The following TBX15 variants were observed in gnomAD, a reference collection of about 807,000 sequenced individuals.
TBX15 encodes the protein T-box transcription factor 15.
In TBX15, 18 loss-of-function variants were observed where a neutral mutation model predicts 53.9. That is an observed-to-expected ratio of 0.33 (90% confidence interval 0.23 to 0.49). TBX15 has a LOEUF of 0.49. Among genes scored for constraint, TBX15 ranks in the 20% least tolerant of loss-of-function variants. TBX15 has a pLI of 0.98. For synonymous variants in TBX15, 295 were observed against 278.0 expected (o/e 1.06, Z -0.61); for missense variants, 692 against 749.5 (o/e 0.92, Z 0.90).
At chr1:118,957,666 C>G (rs796787821) in intron 1 of TBX15, among the ~76,000 whole-genome samples, 1 of 152,206 alleles carries the variant, frequency 6.6e-6, no homozygotes, top group Non-Finnish European at 1.5e-5. Context: ...GTTCCCCTTC[C>G]TGTGTCTATG....
chr1:118,969,233 A>G (rs1160883984), intron 1 of TBX15, among the ~76,000 whole-genome samples: 1 of 152,112 alleles, frequency 6.6e-6, no homozygotes, highest in African/African-American at 2.4e-5. Flanking sequence ...ACTGAATAGG[A>G]CCCATTTCAC....
intron 2 of TBX15, among the ~76,000 whole-genome samples, chr1:118,928,805 C>T (rs923593012): frequency 2.0e-5 from 3 of 152,174 alleles, no homozygotes; most frequent in Non-Finnish European, 2.9e-5. Flanking sequence ...GCTACCCATC[C>T]CTTTCCAGTA....
intron 1 of TBX15, among the ~76,000 whole-genome samples, chr1:118,974,277 G>A (rs1405900397): frequency 6.6e-6 from 1 of 152,182 alleles, no homozygotes; most frequent in Non-Finnish European, 1.5e-5. Context: ...CCTGCATAGA[G>A]TGGTGCTGGC....
chr1:118,985,472 C>G (rs1193535256), intron 1 of TBX15, among the ~76,000 whole-genome samples: 4 of 152,332 alleles, frequency 2.6e-5, no homozygotes, highest in Non-Finnish European at 5.9e-5. Context: ...CTCCACGCCA[C>G]GGCGCCCTTT....
chr1:118,959,510 T>C (rs1458718535), intron 1 of TBX15, among the ~76,000 whole-genome samples: 1 of 152,122 alleles, frequency 6.6e-6, no homozygotes, highest in Non-Finnish European at 1.5e-5. Flanking sequence ...AAAAAACACA[T>C]CAGCCCTGCC....
chr1:118,894,137 G>A (rs543944229), intron 7 of TBX15, among the ~76,000 whole-genome samples: 1 of 152,276 alleles, frequency 6.6e-6, no homozygotes, highest in East Asian at 1.9e-4. Context: ...AACGTGGCAG[G>A]AAAGAGCACA....
intron 1 of TBX15, among the ~76,000 whole-genome samples, chr1:118,949,849 A>G (rs1177624487): frequency 1.3e-5 from 2 of 152,204 alleles, no homozygotes; most frequent in East Asian, 3.9e-4. Context: ...CCCACTATTC[A>G]GGTTGTCTCT....
chr1:118,919,746 T>A (rs548721103), intron 5 of TBX15, among the ~76,000 whole-genome samples: 86 of 152,298 alleles, frequency 5.6e-4, no homozygotes, highest in African/African-American at 1.9e-3. Context: ...TGCTTCAGAA[T>A]TTTTTAGGTC....
intron 1 of TBX15, among the ~76,000 whole-genome samples, chr1:118,973,351 T>C (rs1172948802): frequency 6.6e-6 from 1 of 151,986 alleles, no homozygotes; most frequent in Non-Finnish European, 1.5e-5. Flanking sequence ...ATGAAGGCTG[T>C]CTGCTTTCAT....
intron 1 of TBX15, among the ~76,000 whole-genome samples, chr1:118,983,462 T>C (rs1657712282): frequency 6.6e-6 from 1 of 151,956 alleles, no homozygotes; most frequent in South Asian, 2.1e-4. Flanking sequence ...TCTAATTTAG[T>C]AAGATCCGAT....
chr1:118,887,257 A>T (rs1653976926), intron 7 of TBX15, among the ~76,000 whole-genome samples: 2 of 152,222 alleles, frequency 1.3e-5, no homozygotes, highest in African/African-American at 4.8e-5. Flanking sequence ...GGAATGTAAT[A>T]TCCTTTAGAT....
At chr1:118,890,735 T>C in intron 7 of TBX15, 1 of 411,518 alleles carries the variant, frequency 2.4e-6, no homozygotes, top group South Asian at 2.3e-5. Context: ...CAGATTGTAA[T>C]ATAAGGGCTT....
At chr1:118,952,425 T>A (rs1426779391) in intron 1 of TBX15, among the ~76,000 whole-genome samples, 2 of 150,684 alleles carry the variant, frequency 1.3e-5, no homozygotes. Context: ...AGAAAAAAAA[T>A]AATTTTCTGT....
intron 1 of TBX15, among the ~76,000 whole-genome samples, chr1:118,945,683 C>A (rs1041493761): frequency 1.3e-5 from 2 of 152,076 alleles, no homozygotes; most frequent in Non-Finnish European, 2.9e-5. Flanking sequence ...GATTATTTTC[C>A]CCCCCTACTG....
intron 1 of TBX15, among the ~76,000 whole-genome samples, chr1:118,978,864 C>T (rs371234549): frequency 2.0e-5 from 3 of 152,262 alleles, no homozygotes; most frequent in Admixed American, 1.3e-4. Context: ...ATTAATTAAC[C>T]TTCTAAATTG....
intron 1 of TBX15, among the ~76,000 whole-genome samples, chr1:118,939,407 CAAAAAAA>C (rs869094141): frequency 3.4e-3 from 30 of 8,874 alleles, no homozygotes; most frequent in African/African-American, 0.01. Context: ...GATCTAGTCT[CAAAAAAA>C]AAAAAAAAAA....
rs1475796581 is a variant in TBX15 at position 118,931,663 on chromosome 1, C to G, written c.375G>C (p.Arg125=). ...VELQCADLWK[R]FHDIGTEMII... is the part of the protein sequence containing the mutation. ...TCATTTCAGTTCCAATATCATGGAA[C>G]CGCTTCCAGAGGTCAGCACATTGCA... Residue 125 remains arginine, a synonymous_variant, in exon 2 of 8, where the codon CGG becomes CGC. Transcript: ENST00000369429. The G allele has an allele frequency of 6.2e-7, 1 of 1,613,970 alleles. No homozygotes were observed. Among genetic ancestry groups the G allele is most frequent in the African/African-American group, 1.3e-5 (1 of 74,906 alleles).
intron 2 of TBX15, among the ~76,000 whole-genome samples, chr1:118,930,732 T>A (rs914175159): frequency 6.6e-6 from 1 of 152,248 alleles, no homozygotes; most frequent in Non-Finnish European, 1.5e-5. Flanking sequence ...TAATTTTATC[T>A]AAATCGTTTC....
intron 6 of TBX15, among the ~76,000 whole-genome samples, chr1:118,899,879 G>C (rs1270556003): frequency 1.3e-5 from 2 of 152,078 alleles, no homozygotes; most frequent in Non-Finnish European, 2.9e-5. Flanking sequence ...TTCCTTTAAG[G>C]CTCCTGGTTC....
Sources: gnomAD v4.1 joint callset for allele counts (sites outside exome capture counted in the v4.1 genomes callset) on GRCh38, gnomAD v4.1.1 for gene constraint, MANE v1.5 for transcripts, NCBI Gene and HGNC (gene_info 2026-07-23, HGNC 2026-07-21) for gene names.